The following EFCAB11 variants were observed in gnomAD, a reference collection of about 807,000 sequenced individuals.
The protein encoded by EFCAB11 is EF-hand calcium binding domain 11.
EFCAB11 carries 14 observed loss-of-function variants against 23.0 expected under a neutral mutation model. The observed-to-expected ratio is 0.61, with a 90% confidence interval of 0.40 to 0.95. The LOEUF (loss-of-function observed/expected upper bound fraction) is 0.95. Ranked by LOEUF, EFCAB11 falls within the 40% of genes least tolerant of loss-of-function variation. The pLI is 0.00. For missense variants in EFCAB11, 198 were observed against 195.8 expected (o/e 1.01, Z -0.07); for synonymous variants, 65 against 66.6 (o/e 0.98, Z 0.11).
chr14:89,896,405 C>G (rs764725444), intron 5 of EFCAB11, among the ~76,000 whole-genome samples: 8 of 151,748 alleles, frequency 5.3e-5, no homozygotes, highest in Non-Finnish European at 1.0e-4. Flanking sequence ...AAAAAAGAAG[C>G]CTGGCAAGAG....
intron 3 of EFCAB11, among the ~76,000 whole-genome samples, chr14:89,948,266 C>A (rs964722388): frequency 6.6e-5 from 10 of 152,042 alleles, no homozygotes; most frequent in Non-Finnish European, 1.3e-4. Flanking sequence ...AGAGAAATGC[C>A]ATCAAAACTA....
chr14:89,896,649 A>C (rs1889173863), intron 5 of EFCAB11, among the ~76,000 whole-genome samples: 1 of 152,192 alleles, frequency 6.6e-6, no homozygotes, highest in Admixed American at 6.5e-5. Flanking sequence ...GAGAAAAAGG[A>C]AACAAAGACA....
At chr14:89,855,733 C>T (rs984542092) in intron 5 of EFCAB11, among the ~76,000 whole-genome samples, 7 of 152,150 alleles carry the variant, frequency 4.6e-5, no homozygotes, top group Non-Finnish European at 7.3e-5. Flanking sequence ...CTTGTTCTTC[C>T]TACACATCTG....
At chr14:89,887,522 T>C (rs1355732638) in intron 5 of EFCAB11, among the ~76,000 whole-genome samples, 5 of 152,234 alleles carry the variant, frequency 3.3e-5, no homozygotes, top group African/African-American at 1.2e-4. Context: ...GTAAGTGTCA[T>C]GCCTAGGTCA....
intron 5 of EFCAB11, among the ~76,000 whole-genome samples, chr14:89,870,161 A>G (rs1489463271): frequency 6.6e-6 from 1 of 152,244 alleles, no homozygotes; most frequent in Admixed American, 6.5e-5. Context: ...ATAGGTGTTT[A>G]GCATCTGTTT....
At chr14:89,946,432 A>T (rs577604850) in intron 3 of EFCAB11, among the ~76,000 whole-genome samples, 20 of 152,260 alleles carry the variant, frequency 1.3e-4, no homozygotes, top group African/African-American at 4.8e-4. Flanking sequence ...ATCTAATTTA[A>T]CAGTATCTCC....
At chr14:89,819,922 C>G (rs928665191) in intron 5 of EFCAB11, among the ~76,000 whole-genome samples, 1 of 152,120 alleles carries the variant, frequency 6.6e-6, no homozygotes, top group African/African-American at 2.4e-5. Flanking sequence ...ATACCATTAT[C>G]TTTTACAATG....
Position 89,954,656 on chromosome 14 carries a change from A to G in EFCAB11, c.5T>C (p.Phe2Ser), listed in dbSNP as rs781112615. 3 of 1,612,052 alleles carry G rather than the reference A, an allele frequency of 1.9e-6. No homozygotes were observed. Among genetic ancestry groups the G allele is most frequent in the Non-Finnish European group, 2.5e-6 (3 of 1,179,728 alleles). Reference sequence around the variant, plus strand: ...CGACCTGGCTCTGGCCTCGGAGAAGAACATCGCGACTACAACAACCGAGCC... The same window carrying G: ...CGACCTGGCTCTGGCCTCGGAGAAGGACATCGCGACTACAACAACCGAGCC... M[F>S]FSEARARSRT... is the part of the protein sequence containing the mutation. Residue 2 changes from phenylalanine to serine, a missense_variant, in exon 1 of 6, where the codon TTC becomes TCC. Physicochemically the swap from Phe to Ser is radical, Grantham distance 155 (BLOSUM62 -2). Transcript: ENST00000316738.
chr14:89,866,576 G>A (rs1007490407), intron 5 of EFCAB11, among the ~76,000 whole-genome samples: 24 of 152,232 alleles, frequency 1.6e-4, no homozygotes, highest in Admixed American at 5.2e-4. Flanking sequence ...CACACCATGC[G>A]TCTTGCCTAA....
intron 5 of EFCAB11, among the ~76,000 whole-genome samples, chr14:89,881,552 A>G (rs1888603824): frequency 6.9e-6 from 1 of 145,522 alleles, no homozygotes; most frequent in Non-Finnish European, 1.5e-5. Flanking sequence ...GGTTCAAGTG[A>G]TTCTCCTGCC....
intron 5 of EFCAB11, among the ~76,000 whole-genome samples, chr14:89,815,714 G>A (rs1886314827): frequency 6.6e-6 from 1 of 152,060 alleles, no homozygotes; most frequent in East Asian, 1.9e-4. Flanking sequence ...GTGAGTCATC[G>A]CGCCCGGCCG....
At chr14:89,819,567 C>G (rs1424412118) in intron 5 of EFCAB11, among the ~76,000 whole-genome samples, 4 of 151,958 alleles carry the variant, frequency 2.6e-5, no homozygotes, top group Non-Finnish European at 5.9e-5. Context: ...CTACAGGGGA[C>G]TACAGGGACA....
At chr14:89,903,405 C>A (rs12889533) in intron 5 of EFCAB11, among the ~76,000 whole-genome samples, 8 of 152,010 alleles carry the variant, frequency 5.3e-5, no homozygotes, top group East Asian at 1.9e-4. Context: ...GAAAACTTCA[C>A]GCATTTGAAA....
At chr14:89,911,317 G>A (rs982029885) in intron 5 of EFCAB11, among the ~76,000 whole-genome samples, 8 of 152,202 alleles carry the variant, frequency 5.3e-5, no homozygotes, top group African/African-American at 1.9e-4. Context: ...CCACCAGTTA[G>A]GAAAACTTCA....
In EFCAB11 at chr14:89,953,970, C is replaced by T. The variant is rs1416425373; in HGVS notation, c.107G>A (p.Gly36Glu). 1.2e-6 allele frequency: 2 copies of T among 1,613,508 alleles called. No homozygotes were observed. The highest frequency in any genetic ancestry group is 2.7e-5 in the African/African-American group (2 of 74,902). Residue 36 changes from glycine to glutamate, a missense_variant, in exon 2 of 6, where the codon GGA (glycine) becomes GAA (glutamate). Physicochemically the swap from Gly to Glu is moderately conservative, Grantham distance 98 (BLOSUM62 -2). Coordinates refer to ENST00000316738, the MANE Select transcript of EFCAB11 (RefSeq NM_145231.4). ...TTTAAAGTCCTCTCTGCTGAGATAT[C>T]CTTTGTGATCTTCATCACATGCTTT... ...VFKACDEDHK[G>E]YLSREDFKTA...
In EFCAB11 at chr14:89,950,161, T is replaced by C; in HGVS notation, c.172-19A>G. 1 of 1,549,382 alleles carries C rather than the reference T, an allele frequency of 6.5e-7. No individual in the cohort carries two copies. The highest frequency in any genetic ancestry group is 8.8e-7 in the Non-Finnish European group (1 of 1,135,790). On this transcript the variant is annotated intron_variant, in intron 2 of 5. Coordinates refer to ENST00000316738, the MANE Select transcript of EFCAB11 (RefSeq NM_145231.4). ...CTTCTATCTAGAAAAGAGGAAAAAA[T>C]AATAGAACATGTAATTTTATCACGT... is the stretch of plus-strand genomic sequence containing the variant.
At chr14:89,888,700 AT>A (rs1888867576) in intron 5 of EFCAB11, among the ~76,000 whole-genome samples, 1 of 152,154 alleles carries the variant, frequency 6.6e-6, no homozygotes, top group South Asian at 2.1e-4. Flanking sequence ...TCAAGGACAC[AT>A]TTAGAAGGTA....
chr14:89,924,885 A>G (rs58944055), intron 5 of EFCAB11, among the ~76,000 whole-genome samples: 1 of 152,264 alleles, frequency 6.6e-6, no homozygotes, highest in African/African-American at 2.4e-5. Context: ...GCAATGGACC[A>G]ACGATTATTT....
chr14:89,842,603 ATATG>A (rs1887303373), intron 5 of EFCAB11, among the ~76,000 whole-genome samples: 1 of 10,068 alleles, frequency 9.9e-5, no homozygotes, highest in Non-Finnish European at 3.2e-4. Context: ...ATATAATATG[ATATG>A]ATATGATATG....
Sources: allele counts gnomAD v4.1 joint callset (sites outside exome capture counted in the v4.1 genomes callset), GRCh38; gene constraint gnomAD v4.1.1; transcripts MANE v1.5; gene names NCBI Gene and HGNC (gene_info 2026-07-23, HGNC 2026-07-21).